The following ADAT3 variants were observed in gnomAD, a reference collection of about 807,000 sequenced individuals.
The protein encoded by ADAT3 is tRNA-specific adenosine-34 deaminase regulatory subunit ADAT3.
ADAT3 carries 2 observed loss-of-function variants against 3.5 expected under a neutral mutation model. The observed-to-expected ratio is 0.57, with a 90% confidence interval of 0.23 to 1.79. ADAT3 has a LOEUF of 1.79. Among genes scored for constraint, ADAT3 ranks in the 40% most tolerant of loss-of-function variants. The pLI, the probability that ADAT3 is intolerant of heterozygous loss-of-function variation, is 0.18. For missense variants in ADAT3, 735 were observed against 571.4 expected, an observed-to-expected ratio of 1.29 and a Z score of -2.92; for synonymous variants, 358 against 270.3, an observed-to-expected ratio of 1.32 and a Z score of -3.18.
chr19:1,911,921 G>T lies in ADAT3; in HGVS notation c.-127G>T. ...GCAGGACATGAGGGAGTGTAGCTCTGATGCGGTGACCTGGGCCGGAGCCCT... is the reference window on the plus strand; with the variant it reads ...GCAGGACATGAGGGAGTGTAGCTCTTATGCGGTGACCTGGGCCGGAGCCCT... On this transcript the variant is annotated 5_prime_UTR_variant, in exon 2 of 2. Transcript: ENST00000329478. The T allele has an allele frequency of 2.4e-6, 3 of 1,242,476 alleles. No homozygotes were observed. The highest frequency in any genetic ancestry group is 3.2e-6 in the Non-Finnish European group (3 of 945,996). The allele number at this position is 1,242,476 out of a possible 1,614,324, so 77.0% of individuals were successfully genotyped here.
rs183718234 is a variant in ADAT3, at chr19:1,910,122, C to T, written c.-158-1768C>T. ...GCTTAATACAACACCCGCCAGCTCCCGGTTCTGTGGGTCGGGGCCTGAATG... is the reference window on the plus strand; with the variant it reads ...GCTTAATACAACACCCGCCAGCTCCTGGTTCTGTGGGTCGGGGCCTGAATG... On this transcript the variant is annotated intron_variant, in intron 1 of 1. Coordinates refer to ENST00000329478, the MANE Select transcript of ADAT3 (RefSeq NM_138422.4). 8.9e-3 allele frequency among the ~76,000 whole-genome samples: 1,360 copies of T among 152,298 alleles called. 25 individuals are homozygous for T. The highest frequency in any genetic ancestry group is 0.031 in the African/African-American group (1,282 of 41,550).
Position 1,912,834 on chromosome 19 carries a change from C to G in ADAT3, c.787C>G (p.Pro263Ala), listed in dbSNP as rs1386179631. 1.3e-6 allele frequency: 2 copies of G among 1,593,042 alleles called. No homozygotes were observed. The highest frequency in any genetic ancestry group is 1.7e-5 in the Admixed American group (1 of 59,130). Residue 263 changes from proline (P) to alanine (A), a missense_variant, in exon 2 of 2, where the codon CCC becomes GCC. Pro to Ala is a conservative substitution (Grantham distance 27, BLOSUM62 -1). Transcript: ENST00000329478. ...CGGCACCTACGACTTCAGACCCTTC[C>G]CCGCCTGCTCCTTCGCCCCGGCCGC... ...GRGTYDFRPFPACSFAPAAAP... is the reference protein window; with the variant it reads ...GRGTYDFRPFAACSFAPAAAP...
In ADAT3 at chr19:1,912,876, C is replaced by G. The variant is rs766374171; in HGVS notation, c.829C>G (p.Arg277Gly). ...FAPAAAPQAV[R>G]AGAVRKLDAD... Reference sequence around the variant, plus strand: ...CCCGGCCGCTGCCCCCCAGGCCGTCCGCGCAGGCGCCGTGCGTAAACTGGA... The same window carrying G: ...CCCGGCCGCTGCCCCCCAGGCCGTCGGCGCAGGCGCCGTGCGTAAACTGGA... The change falls in exon 2 of 2, where the codon CGC becomes GGC. Residue 277 changes from arginine to glycine, a missense_variant. By Grantham distance (125) the Arg-to-Gly change is moderately radical (BLOSUM62 -2). Transcript: ENST00000329478. 1.7e-5 allele frequency: 28 copies of G among 1,602,810 alleles called. 1 individual carries two copies. Among genetic ancestry groups the G allele is most frequent in the Middle Eastern group, 1.6e-4 (1 of 6,074 alleles).
chr19:1,908,482 G>A lies in ADAT3; in HGVS notation c.-159+3043G>A, dbSNP rs1353128981. 1 of 471,042 alleles carries A rather than the reference G, an allele frequency of 2.1e-6. No homozygotes were observed. The highest frequency in any genetic ancestry group is 2.3e-5 in the Admixed American group (1 of 42,558). 29.2% of individuals were successfully genotyped at this position (471,042 alleles called of 1,614,324 possible). A position where few individuals can be genotyped will look rare whatever the true frequency, so the allele number is the denominator to read the frequency against. ...CGAAATGATCCAGAGACACATCCCT[G>A]TCTGCGGGAGGAGCCGTCCATACCA... is the stretch of plus-strand genomic sequence containing the variant. On this transcript the variant is annotated intron_variant, in intron 1 of 1. Coordinates refer to ENST00000329478, the MANE Select transcript of ADAT3 (RefSeq NM_138422.4). This position sits in a 1 kb window ranked among gnomAD's most constrained non-coding sequence, Gnocchi z 4.2.
rs886867667 is a variant in ADAT3, at chr19:1,908,380, T to A, written c.-159+2941T>A. ...AGTTCCACTGGCTGCTGGTCCCCCA[T>A]CTGTGGGGCGCCCCGGCGGCTGAGG... On this transcript the variant is annotated intron_variant, in intron 1 of 1. Coordinates refer to ENST00000329478, the MANE Select transcript of ADAT3 (RefSeq NM_138422.4). The surrounding 1 kb of genome is among the most constrained non-coding windows in gnomAD (Gnocchi z 4.2). 9.8e-6 allele frequency: 4 copies of A among 406,382 alleles called. No individual in the cohort carries two copies. The highest frequency in any genetic ancestry group is 2.0e-5 in the Non-Finnish European group (4 of 196,130). The allele number at this position is 406,382 out of a possible 1,614,324, so 25.2% of individuals were successfully genotyped here.
Position 1,913,190 on chromosome 19 carries a change from C to T in ADAT3, c.*39C>T, listed in dbSNP as rs2013592148. 3.4e-6 allele frequency: 5 copies of T among 1,469,774 alleles called. No homozygotes were observed. The highest frequency in any genetic ancestry group is 2.8e-5 in the South Asian group (2 of 71,908). 91.0% of individuals were successfully genotyped at this position (1,469,774 alleles called of 1,614,324 possible). A position where few individuals can be genotyped will look rare whatever the true frequency, so the allele number is the denominator to read the frequency against. The stretch of plus-strand genomic sequence containing the variant: ...GCCTCCGGACCCTTCCCGCTCCCGG[C>T]CGTGGGGCGCCCCTCCTGGACTTCC... On this transcript the variant is annotated 3_prime_UTR_variant, in exon 2 of 2. Coordinates refer to ENST00000329478, the MANE Select transcript of ADAT3 (RefSeq NM_138422.4).
intron 1 of ADAT3, chr19:1,905,656 C>T (rs184531534): frequency 6.3e-6 from 1 of 158,344 alleles, no homozygotes; most frequent in African/African-American, 2.4e-5. Flanking sequence ...GCGGCGCTGG[C>T]CTGGGGGAAG....
intron 1 of ADAT3, among the ~76,000 whole-genome samples, chr19:1,909,712 C>A (rs1408076887): frequency 1.3e-5 from 2 of 152,180 alleles, no homozygotes; most frequent in African/African-American, 2.4e-5. Flanking sequence ...TAGCAGGAGC[C>A]CCGGGAGTGA....
chr19:1,908,848 A>C lies in ADAT3; in HGVS notation c.-158-3042A>C, dbSNP rs551452063. Reference sequence around the variant, plus strand: ...GCTGGGCACGGTGGCTCACACCTGTAATCCCAGCACTTTGGGAGGCTGAGG... The same window carrying C: ...GCTGGGCACGGTGGCTCACACCTGTCATCCCAGCACTTTGGGAGGCTGAGG... On this transcript the variant is annotated intron_variant, in intron 1 of 1. Coordinates refer to ENST00000329478, the MANE Select transcript of ADAT3 (RefSeq NM_138422.4). The surrounding 1 kb of genome is among the most constrained non-coding windows in gnomAD (Gnocchi z 4.2). Among the ~76,000 whole-genome samples, 372 of 152,202 alleles carry C rather than the reference A, an allele frequency of 2.4e-3. 2 individuals carry two copies. Among genetic ancestry groups the C allele is most frequent in the Non-Finnish European group, 4.6e-3 (312 of 67,996 alleles).
intron 1 of ADAT3, chr19:1,905,823 C>G (rs1599225555): frequency 6.6e-6 from 1 of 152,546 alleles, no homozygotes; most frequent in African/African-American, 2.4e-5. Flanking sequence ...TCGCGAGTTT[C>G]CGTAGCCTTC....
At chr19:1,909,541 GT>G (rs1324787763) in intron 1 of ADAT3, among the ~76,000 whole-genome samples, 4 of 152,070 alleles carry the variant, frequency 2.6e-5, no homozygotes, top group African/African-American at 4.8e-5. Context: ...ACTGCCTCCC[GT>G]CCTCACCTGT....
chr19:1,907,059 C>G (rs1401414983), intron 1 of ADAT3: 1 of 150,586 alleles, frequency 6.6e-6, no homozygotes, highest in Non-Finnish European at 1.5e-5. Context: ...TAGTGGTGCA[C>G]ATCTGTTGTC....
intron 1 of ADAT3, 122 bp from the exon 2 acceptor site, chr19:1,911,768 G>C: frequency 3.1e-6 from 1 of 317,874 alleles, no homozygotes; most frequent in Non-Finnish European, 5.7e-6. Context: ...GGGCGACAGC[G>C]AGACTCCGTC....
rs752360082 is a variant in ADAT3, at chr19:1,912,069, TGTCTCCCACAGTCG to T, written c.24_37del (p.Pro10AlafsTer24). 274 of 1,440,024 alleles carry T rather than the reference TGTCTCCCACAGTCG, an allele frequency of 1.9e-4. No individual in the cohort carries two copies. Among genetic ancestry groups the T allele is most frequent in the Non-Finnish European group, 2.4e-4 (264 of 1,102,108 alleles). 89.2% of individuals were successfully genotyped at this position (1,440,024 alleles called of 1,614,324 possible). On this transcript the variant is annotated frameshift_variant, in exon 2 of 2. Transcript: ENST00000329478. LOFTEE classifies it low-confidence loss of function (END_TRUNC). Reference sequence around the variant, plus strand: ...CCGGATGATCCTCTGCTCCCGTCTCTGTCTCCCACAGTCGGCCTCGCTGAGGATGGAGCCCGCCC... The same window carrying T: ...CCGGATGATCCTCTGCTCCCGTCTCTGCCTCGCTGAGGATGGAGCCCGCCC...
intron 1 of ADAT3, among the ~76,000 whole-genome samples, chr19:1,909,308 A>G (rs1470875832): frequency 2.0e-5 from 3 of 152,160 alleles, no homozygotes; most frequent in African/African-American, 7.2e-5. Context: ...CAGTCCCTGC[A>G]GGCTGGCTGT....
rs563167560 is a variant in ADAT3 at position 1,913,359 on chromosome 19, T to C, written c.*208T>C. 1.0e-4 allele frequency: 74 copies of C among 722,268 alleles called. No individual in the cohort carries two copies. Among genetic ancestry groups the C allele is most frequent in the Non-Finnish European group, 1.5e-4 (68 of 447,188 alleles). 44.7% of individuals were successfully genotyped at this position (722,268 alleles called of 1,614,324 possible). On this transcript the variant is annotated 3_prime_UTR_variant, in exon 2 of 2. Transcript: ENST00000329478. ...GGGCCACCCCGTGCCAGCGGTGCCC[T>C]TCTGCGGCCGCCCTTGCTGCGTTTG... is the stretch of plus-strand genomic sequence containing the variant.
chr19:1,906,377 G>A (rs772510504), intron 1 of ADAT3: 1 of 151,962 alleles, frequency 6.6e-6, no homozygotes, highest in Non-Finnish European at 1.5e-5. Flanking sequence ...AAGAAAAAAA[G>A]ATTTTTTTTT....
intron 1 of ADAT3, among the ~76,000 whole-genome samples, chr19:1,907,391 TAAAA>T (rs111426560): frequency 7.3e-6 from 1 of 137,344 alleles, no homozygotes; most frequent in African/African-American, 2.7e-5. Context: ...AGCCCTGCCT[TAAAA>T]AAAAAAAAAA....
chr19:1,909,237 C>A (rs1465333821), intron 1 of ADAT3, among the ~76,000 whole-genome samples: 1 of 152,080 alleles, frequency 6.6e-6, no homozygotes, highest in Non-Finnish European at 1.5e-5. Context: ...TGGGGGTGTT[C>A]AGGTGGGGTG....
Sources: allele counts gnomAD v4.1 joint callset (sites outside exome capture counted in the v4.1 genomes callset), GRCh38; gene constraint gnomAD v4.1.1; non-coding constraint Gnocchi (gnomAD v3.1); transcripts MANE v1.5; gene names NCBI Gene and HGNC (gene_info 2026-07-23, HGNC 2026-07-21).